CFAP20DC: variants seen among roughly 807,000 people sequenced by gnomAD.
CFAP20DC encodes CFAP20 domain containing, also known as protein CFAP20DC.
CFAP20DC carries 84 observed loss-of-function variants against 101.7 expected under a neutral mutation model. The ratio of observed to expected loss-of-function variants is 0.83; its 90% CI spans 0.69 to 0.99. The LOEUF is 0.99. CFAP20DC is among the 50% of genes least tolerant of loss of function. CFAP20DC has a pLI of 0.00. For missense variants in CFAP20DC, 1,007 were observed against 970.3 expected (o/e 1.04, Z -0.50); for synonymous variants, 359 against 351.2 (o/e 1.02, Z -0.25).
chr3:58,802,076 C>T (rs886422153), intron 15 of CFAP20DC, among the ~76,000 whole-genome samples: 13 of 152,118 alleles, frequency 8.5e-5, no homozygotes, highest in East Asian at 3.9e-4. Context: ...TCATTTGAAA[C>T]GAAAGACTGG....
chr3:58,718,788 C>A (rs2067430402), intron 3 of CFAP20DC, among the ~76,000 whole-genome samples: 1 of 152,206 alleles, frequency 6.6e-6, no homozygotes, highest in South Asian at 2.1e-4. Flanking sequence ...TTGGCCTGCT[C>A]TTGGTATGCT....
At chr3:58,821,052 C>G (rs1349979219) in intron 14 of CFAP20DC, among the ~76,000 whole-genome samples, 1 of 151,684 alleles carries the variant, frequency 6.6e-6, no homozygotes, top group African/African-American at 2.4e-5. Flanking sequence ...GAAAGGATTC[C>G]CTATTTAATA....
chr3:59,008,020 TC>T (rs535184860), intron 4 of CFAP20DC, among the ~76,000 whole-genome samples: 100 of 152,066 alleles, frequency 6.6e-4, no homozygotes, highest in African/African-American at 2.4e-3. Context: ...GGGTCCTTGT[TC>T]CCCCCAGCAC....
At position 59,049,995 on chromosome 3, in the gene CFAP20DC, C is replaced by G. The variant is rs1285011770; in HGVS notation, c.-364G>C. The stretch of plus-strand genomic sequence containing the variant: ...CGCCCGCTGGCCTAGGAAAAGCGGG[C>G]GCGCTCCCGCTGCCGCCCCACCCCA... On this transcript the variant is annotated 5_prime_UTR_variant, in exon 1 of 17. Coordinates refer to ENST00000482387, the MANE Select transcript of CFAP20DC (RefSeq NM_001394063.1). The G allele has an allele frequency of 8.1e-6, 2 of 245,512 alleles. No homozygotes were observed. 15.2% of individuals were successfully genotyped at this position (245,512 alleles called of 1,614,324 possible).
intron 4 of CFAP20DC, among the ~76,000 whole-genome samples, chr3:58,958,813 A>G (rs1399151890): frequency 6.6e-6 from 1 of 152,130 alleles, no homozygotes; most frequent in African/African-American, 2.4e-5. Context: ...ATATATTTTC[A>G]TATTATTAAT....
chr3:58,730,309 G>C (rs2067621164), intron 3 of CFAP20DC, among the ~76,000 whole-genome samples: 1 of 152,172 alleles, frequency 6.6e-6, no homozygotes, highest in South Asian at 2.1e-4. Flanking sequence ...ATTCCATCAT[G>C]TATGCATATA....
chr3:58,977,670 T>C (rs1386684178), intron 4 of CFAP20DC, among the ~76,000 whole-genome samples: 3 of 151,052 alleles, frequency 2.0e-5, no homozygotes, highest in Non-Finnish European at 2.9e-5. Flanking sequence ...ATTCTGGACA[T>C]GGCCTATTCT....
chr3:58,987,643 G>A lies in CFAP20DC; in HGVS notation c.279-49881C>T, dbSNP rs570940800. On this transcript the variant is annotated intron_variant, in intron 4 of 16. Coordinates refer to ENST00000482387, the MANE Select transcript of CFAP20DC (RefSeq NM_001394063.1). Reference sequence around the variant, plus strand: ...GTATCAGCATTGTACAGATACAGCAGAGAACAAAAAACTGTATATACTTTT... The same window carrying A: ...GTATCAGCATTGTACAGATACAGCAAAGAACAAAAAACTGTATATACTTTT... Among the ~76,000 whole-genome samples the A allele has an allele frequency of 2.0e-5, 3 of 151,912 alleles. No individual in the cohort carries two copies. The South Asian group carries it at 6.2e-4, about 32-fold the overall frequency.
intron 14 of CFAP20DC, among the ~76,000 whole-genome samples, chr3:58,817,044 C>T (rs994223054): frequency 6.6e-5 from 10 of 152,176 alleles, no homozygotes; most frequent in South Asian, 4.2e-4. Flanking sequence ...ACACCTCACA[C>T]GGCAGGGTAT....
At chr3:58,979,967 T>C (rs2092454853) in intron 4 of CFAP20DC, among the ~76,000 whole-genome samples, 1 of 152,150 alleles carries the variant, frequency 6.6e-6, no homozygotes, top group African/African-American at 2.4e-5. Context: ...GAGTGCTCTG[T>C]TAAGAAGGAC....
intron 4 of CFAP20DC, among the ~76,000 whole-genome samples, chr3:58,940,219 G>A (rs2088341839): frequency 1.3e-5 from 2 of 152,148 alleles, no homozygotes; most frequent in South Asian, 2.1e-4. Flanking sequence ...CTGGGAGTAC[G>A]TCAGGGAGAC....
chr3:58,931,962 A>C lies in CFAP20DC; in HGVS notation c.393+5686T>G, dbSNP rs146161500. On this transcript the variant is annotated intron_variant, in intron 5 of 16. Transcript: ENST00000482387. Reference sequence around the variant, plus strand: ...GAGTTGAGGAAGAAGGCTTCAGATGATCAAACTACTCCGAGCTACAGGAGG... The same window carrying C: ...GAGTTGAGGAAGAAGGCTTCAGATGCTCAAACTACTCCGAGCTACAGGAGG... Among the ~76,000 whole-genome samples, 1,225 of 152,348 alleles carry C rather than the reference A, an allele frequency of 8.0e-3. 15 individuals are homozygous for C. The highest frequency in any genetic ancestry group is 0.028 in the African/African-American group (1,149 of 41,582).
rs780603253 is a variant in CFAP20DC, at chr3:58,795,319, G to A, written c.2237+11076C>T. On this transcript the variant is annotated intron_variant, in intron 15 of 16. Transcript: ENST00000482387. This position sits in a 1 kb window ranked among gnomAD's most constrained non-coding sequence, Gnocchi z 4.2. ...GCTGGGGAGGCTTCAGTAATCTCAG[G>A]AGCCCCGCTCTCCACTGGTTAAAGA... is the stretch of plus-strand genomic sequence containing the variant. Among the ~76,000 whole-genome samples the A allele has an allele frequency of 6.6e-6, 1 of 152,178 alleles. No homozygotes were observed. Among genetic ancestry groups the A allele is most frequent in the Non-Finnish European group, 1.5e-5 (1 of 68,026 alleles).
chr3:58,791,309 A>T (rs534612691), intron 15 of CFAP20DC, among the ~76,000 whole-genome samples: 1 of 152,314 alleles, frequency 6.6e-6, no homozygotes, highest in South Asian at 2.1e-4. Context: ...ACATGTTATG[A>T]GTATTATTTC....
intron 4 of CFAP20DC, chr3:58,953,579 A>G (rs1252327276): frequency 6.6e-6 from 1 of 152,162 alleles, no homozygotes. Context: ...CTTTGGGGGG[A>G]AAACAAAATC....
chr3:58,907,246 CA>C (rs1384923410), intron 6 of CFAP20DC, among the ~76,000 whole-genome samples: 2 of 152,090 alleles, frequency 1.3e-5, no homozygotes, highest in African/African-American at 4.8e-5. Flanking sequence ...CTATGGTAGT[CA>C]AATTTTTCTT....
chr3:59,030,288 C>T (rs1185466242), intron 4 of CFAP20DC, among the ~76,000 whole-genome samples: 1 of 152,204 alleles, frequency 6.6e-6, no homozygotes, highest in Non-Finnish European at 1.5e-5. Flanking sequence ...GGAAAAAAAG[C>T]AGTGCAGCAA....
intron 4 of CFAP20DC, among the ~76,000 whole-genome samples, chr3:58,984,233 A>G (rs2092679943): frequency 6.6e-6 from 1 of 152,208 alleles, no homozygotes; most frequent in African/African-American, 2.4e-5. Flanking sequence ...CTTCTGCAGT[A>G]AATCATCAAT....
rs920661732 is a variant in CFAP20DC, at chr3:58,894,063, C to T, written c.551-9354G>A. 3.9e-5 allele frequency among the ~76,000 whole-genome samples: 6 copies of T among 152,102 alleles called. No individual in the cohort carries two copies. The highest frequency in any genetic ancestry group is 1.4e-4 in the African/African-American group (6 of 41,414). On this transcript the variant is annotated intron_variant, in intron 6 of 16. Transcript: ENST00000482387. The surrounding 1 kb of genome is among the most constrained non-coding windows in gnomAD (Gnocchi z 4.1). Reference sequence around the variant, plus strand: ...ATCATGAGAACAGCATGGGAAGTACCTGCCCCCATGATGCAATTACCTCCT... The same window carrying T: ...ATCATGAGAACAGCATGGGAAGTACTTGCCCCCATGATGCAATTACCTCCT...
Sources: gnomAD v4.1 joint callset for allele counts (sites outside exome capture counted in the v4.1 genomes callset) on GRCh38, gnomAD v4.1.1 for gene constraint, Gnocchi (gnomAD v3.1) non-coding constraint, MANE v1.5 for transcripts, NCBI Gene and HGNC (gene_info 2026-07-23, HGNC 2026-07-21) for gene names.